Variants in EML6 observed in about 807,000 individuals in gnomAD.
EML6 encodes EMAP like 6, also known as echinoderm microtubule-associated protein-like 6.
EML6 carries 154 observed loss-of-function variants against 240.1 expected under a neutral mutation model. That is an observed-to-expected ratio of 0.64 (90% confidence interval 0.56 to 0.73). EML6 has a LOEUF of 0.73. Among genes scored for constraint, EML6 ranks in the 30% least tolerant of loss-of-function variants. The probability of loss-of-function intolerance (pLI) is 0.00; values close to 1 mark genes in which losing one functional copy is unlikely to be tolerated. For synonymous variants in EML6, 1,148 were observed against 899.0 expected (o/e 1.28, Z -4.95); for missense variants, 2,964 against 2,474.6 (o/e 1.20, Z -4.20).
chr2:54,802,490 A>G (rs1347817), intron 2 of EML6, among the ~76,000 whole-genome samples: 66,622 of 151,534 alleles, frequency 0.44, 15,660 homozygotes, highest in African/African-American at 0.58. Flanking sequence ...AGCCAGACAT[A>G]GTGGCATGTG....
intron 25 of EML6, among the ~76,000 whole-genome samples, chr2:54,915,201 G>A (rs997541152): frequency 3.3e-5 from 5 of 152,118 alleles, no homozygotes; most frequent in African/African-American, 7.2e-5. Context: ...CAGCAAGTTC[G>A]ACATTTGCTT....
At chr2:54,878,561 T>G (rs1468278175) in intron 16 of EML6, among the ~76,000 whole-genome samples, 1 of 152,230 alleles carries the variant, frequency 6.6e-6, no homozygotes, top group Admixed American at 6.5e-5. Context: ...AATTTAATTG[T>G]GCATTCAGTA....
chr2:54,791,183 A>G (rs1234810572), intron 2 of EML6, among the ~76,000 whole-genome samples: 2 of 151,976 alleles, frequency 1.3e-5, no homozygotes, highest in African/African-American at 4.8e-5. Context: ...TTTCAGCTTT[A>G]TTTCCTGCTT....
rs1304175795 is a variant in EML6, at chr2:54,724,180, T to C, written c.-513-369T>C. ...CAATCTTTCATGATGCGGATTGGAGTTGCTGATCAATGAGAGCTGCTAAGT... is the reference window on the plus strand; with the variant it reads ...CAATCTTTCATGATGCGGATTGGAGCTGCTGATCAATGAGAGCTGCTAAGT... On this transcript the variant is annotated intron_variant, in intron 1 of 41. Transcript: ENST00000356458. This position sits in a 1 kb window ranked among gnomAD's most constrained non-coding sequence, Gnocchi z 5.2. Among the ~76,000 whole-genome samples, 1 of 151,890 alleles carries C rather than the reference T, an allele frequency of 6.6e-6. No homozygotes were observed. Among genetic ancestry groups the C allele is most frequent in the African/African-American group, 2.4e-5 (1 of 41,338 alleles).
chr2:54,725,308 G>A lies in EML6; in HGVS notation c.197+50G>A. ...GGGAGGGGTTGCGTGTGGAGGCTGG[G>A]AAGGTGGGAAGCGGTTGACCTGGGG... On this transcript the variant is annotated intron_variant, in intron 2 of 41. Transcript: ENST00000356458. The surrounding 1 kb of genome is among the most constrained non-coding windows in gnomAD (Gnocchi z 4.3). 7.5e-7 allele frequency: 1 copy of A among 1,337,812 alleles called. No homozygotes were observed. The highest frequency in any genetic ancestry group is 1.9e-4 in the Middle Eastern group (1 of 5,188). The allele number at this position is 1,337,812 out of a possible 1,614,324, so 82.9% of individuals were successfully genotyped here.
intron 7 of EML6, 48 bp downstream of exon 7, chr2:54,829,525 T>C (rs1001004146): frequency 7.0e-7 from 1 of 1,437,778 alleles, no homozygotes; most frequent in Non-Finnish European, 9.5e-7. Context: ...TGAAATATAA[T>C]GTGAAGTTCT....
chr2:54,879,494 ATGTTT>A (rs1435580761), intron 16 of EML6, 48 bp from the exon 17 acceptor site: 5 of 1,154,594 alleles, frequency 4.3e-6, no homozygotes, highest in African/African-American at 3.1e-5. Flanking sequence ...AGTGTATGAA[ATGTTT>A]TGTTTTTTCA....
At chr2:54,860,696 T>C (rs1376454115) in intron 12 of EML6, among the ~76,000 whole-genome samples, 4 of 152,234 alleles carry the variant, frequency 2.6e-5, no homozygotes, top group Non-Finnish European at 5.9e-5. Flanking sequence ...GCAAAGTATA[T>C]GAATGTCTGT....
rs549767849 is a variant in EML6, at chr2:54,872,627, T to C, written c.2344+1022T>C. 3.9e-4 allele frequency among the ~76,000 whole-genome samples: 59 copies of C among 152,324 alleles called. No homozygotes were observed. In the South Asian group the frequency reaches 0.012, roughly 31 times the overall value. ...CATTGTGGAGCCCTTGGGACATCCATGGCCTTCCATGATCTGGCCTTAACC... is the reference window on the plus strand; with the variant it reads ...CATTGTGGAGCCCTTGGGACATCCACGGCCTTCCATGATCTGGCCTTAACC... On this transcript the variant is annotated intron_variant, in intron 16 of 41. Coordinates refer to ENST00000356458, the MANE Select transcript of EML6 (RefSeq NM_001039753.4).
intron 13 of EML6, among the ~76,000 whole-genome samples, chr2:54,866,033 A>G (rs996465747): frequency 6.6e-6 from 1 of 152,220 alleles, no homozygotes. Context: ...GTAGTAGACA[A>G]AACAGTAGTG....
intron 28 of EML6, among the ~76,000 whole-genome samples, chr2:54,929,192 C>T (rs1031277441): frequency 2.0e-5 from 3 of 152,208 alleles, no homozygotes; most frequent in African/African-American, 4.8e-5. Flanking sequence ...GTGCCTTATA[C>T]TCCATTCACT....
intron 2 of EML6, among the ~76,000 whole-genome samples, chr2:54,802,108 T>TG (rs1670184536): frequency 6.6e-6 from 1 of 152,180 alleles, no homozygotes; most frequent in African/African-American, 2.4e-5. Context: ...GGTGCTGTTC[T>TG]GGGGGTCATC....
intron 2 of EML6, among the ~76,000 whole-genome samples, chr2:54,744,489 A>G (rs1572847711): frequency 6.6e-6 from 1 of 152,124 alleles, no homozygotes; most frequent in South Asian, 2.1e-4. Context: ...GATTTTAGAC[A>G]TACGGACTTA....
In EML6 at chr2:54,829,478, G is replaced by C; in HGVS notation, c.847+1G>C. The C allele has an allele frequency of 1.9e-6, 3 of 1,549,756 alleles. No homozygotes were observed. Among genetic ancestry groups the C allele is most frequent in the Non-Finnish European group, 2.6e-6 (3 of 1,145,230 alleles). On this transcript the variant is annotated splice_donor_variant, in intron 7 of 41. Transcript: ENST00000356458. LOFTEE classifies it high-confidence loss of function. ...AGGGAGACAGAACAAGGATACAAAG[G>C]TAATATATGTGTTAAGCTTACCTGT...
At chr2:54,829,511 G>GGAGGCTGAGGC in intron 7 of EML6, 34 bp downstream of exon 7, 2 of 1,503,936 alleles carry the variant, frequency 1.3e-6, no homozygotes, top group Non-Finnish European at 1.8e-6. Context: ...TGTAACTCTG[G>GGAGGCTGAGGC]ATGTGAAATA....
At chr2:54,734,762 C>T (rs530805994) in intron 2 of EML6, among the ~76,000 whole-genome samples, 10 of 152,306 alleles carry the variant, frequency 6.6e-5, no homozygotes, top group East Asian at 1.9e-4. Context: ...ACCATGGCAA[C>T]GAGTGAAAAG....
At chr2:54,755,132 T>C (rs113104878) in intron 2 of EML6, among the ~76,000 whole-genome samples, 19 of 152,224 alleles carry the variant, frequency 1.2e-4, no homozygotes, top group Non-Finnish European at 2.1e-4. Flanking sequence ...GATCTATTAT[T>C]GAAAAGATCA....
In EML6 at chr2:54,970,125, C is replaced by G. The variant is rs372958554; in HGVS notation, c.*30C>G. ...CCAGAAGCCTCTTATGTTATTGCTGCTGCTGCTACCAGCCAGCAACTGCAG... is the reference window on the plus strand; with the variant it reads ...CCAGAAGCCTCTTATGTTATTGCTGGTGCTGCTACCAGCCAGCAACTGCAG... On this transcript the variant is annotated 3_prime_UTR_variant, in exon 42 of 42. Transcript: ENST00000356458. 5.5e-4 allele frequency: 846 copies of G among 1,550,530 alleles called. 2 individuals carry two copies. In the Middle Eastern group the frequency reaches 9.3e-3, roughly 17 times the overall value.
chr2:54,961,187 T>TTTTTTTTTTG (rs1676488719), intron 35 of EML6, among the ~76,000 whole-genome samples: 1 of 5,318 alleles, frequency 1.9e-4, no homozygotes. Flanking sequence ...GGAAGTAGTT[T>TTTTTTTTTTG]TTTTTTTTTT....
Sources: gnomAD v4.1 joint callset for allele counts (sites outside exome capture counted in the v4.1 genomes callset) on GRCh38, gnomAD v4.1.1 for gene constraint, Gnocchi (gnomAD v3.1) non-coding constraint, MANE v1.5 for transcripts, NCBI Gene and HGNC (gene_info 2026-07-23, HGNC 2026-07-21) for gene names.